Variants in TBCK observed in about 807,000 individuals in gnomAD.
TBCK encodes TBC domain-containing protein kinase-like protein.
A neutral mutation model predicts 113.4 loss-of-function variants in TBCK; 99 were observed. That is an observed-to-expected ratio of 0.87 (90% CI 0.74 to 1.03). The LOEUF (loss-of-function observed/expected upper bound fraction) is 1.03. TBCK is among the 50% of genes least tolerant of loss of function. TBCK has a pLI of 0.00. For synonymous variants in TBCK, 369 were observed against 370.8 expected, an observed-to-expected ratio of 1.00 and a Z score of 0.05; for missense variants, 1,045 against 1,061.3, an observed-to-expected ratio of 0.98 and a Z score of 0.21.
intron 5 of TBCK, among the ~76,000 whole-genome samples, chr4:106,253,809 A>G (rs576073698): frequency 5.3e-4 from 80 of 152,202 alleles, no homozygotes; most frequent in African/African-American, 1.7e-3. Flanking sequence ...CCCCAAGACC[A>G]CTCTCATGTT....
At chr4:106,145,983 G>A (rs899593736) in intron 23 of TBCK, among the ~76,000 whole-genome samples, 4 of 152,132 alleles carry the variant, frequency 2.6e-5, no homozygotes, top group Non-Finnish European at 4.4e-5. Context: ...GAAAGCAGTA[G>A]GGTGATTCCT....
intron 1 of TBCK, 87 bp from the exon 2 acceptor site, chr4:106,309,076 A>C (rs1767872380): frequency 1.2e-6 from 1 of 846,046 alleles, no homozygotes; most frequent in East Asian, 2.7e-5. Context: ...ACTTGGAGGA[A>C]AATGCCAACC....
chr4:106,054,321 CAGTATA>C (rs1168720623), intron 25 of TBCK, among the ~76,000 whole-genome samples: 1 of 151,642 alleles, frequency 6.6e-6, no homozygotes, highest in Admixed American at 6.6e-5. Context: ...TATCCTTGCC[CAGTATA>C]ATCTTTCTCT....
intron 2 of TBCK, among the ~76,000 whole-genome samples, chr4:106,307,161 T>C (rs1244861868): frequency 1.3e-5 from 2 of 152,206 alleles, no homozygotes; most frequent in African/African-American, 4.8e-5. Flanking sequence ...TACAGCAACA[T>C]GTACAATCTT....
intron 19 of TBCK, among the ~76,000 whole-genome samples, chr4:106,220,408 C>G (rs546531988): frequency 6.6e-6 from 1 of 151,660 alleles, no homozygotes; most frequent in Non-Finnish European, 1.5e-5. Context: ...TTAAACCTCT[C>G]TTTTTTTTTC....
intron 3 of TBCK, among the ~76,000 whole-genome samples, chr4:106,288,674 T>C (rs891018713): frequency 2.0e-5 from 3 of 152,208 alleles, no homozygotes; most frequent in African/African-American, 7.2e-5. Flanking sequence ...CAGCGTAATA[T>C]TTATAAGGTT....
chr4:106,131,785 A>G (rs1246535932), intron 23 of TBCK, among the ~76,000 whole-genome samples: 1 of 152,198 alleles, frequency 6.6e-6, no homozygotes, highest in Non-Finnish European at 1.5e-5. Flanking sequence ...GGAACTTCCT[A>G]GAGACTTATG....
At chr4:106,232,061 T>C (rs957644435) in intron 17 of TBCK, among the ~76,000 whole-genome samples, 1 of 151,854 alleles carries the variant, frequency 6.6e-6, no homozygotes, top group Non-Finnish European at 1.5e-5. Flanking sequence ...ATGCTTTGGA[T>C]ATTGTCCCAT....
intron 25 of TBCK, among the ~76,000 whole-genome samples, chr4:106,057,088 C>T (rs1217220104): frequency 2.6e-5 from 4 of 151,716 alleles, no homozygotes; most frequent in Non-Finnish European, 4.4e-5. Context: ...ATTATTTCCC[C>T]AGTCTCATTT....
At chr4:106,188,304 T>C (rs1014595088) in intron 22 of TBCK, among the ~76,000 whole-genome samples, 4 of 152,196 alleles carry the variant, frequency 2.6e-5, no homozygotes, top group African/African-American at 4.8e-5. Context: ...CAGCAGTATA[T>C]GTAGGGATAT....
rs1025571526 is a variant in TBCK, at chr4:106,137,899, G to A, written c.2236-21521C>T. Reference sequence around the variant, plus strand: ...GAGAGTAATTTTTTCTTTGCTATACGGTATCATTCTGGAGACATTTTATCT... The same window carrying A: ...GAGAGTAATTTTTTCTTTGCTATACAGTATCATTCTGGAGACATTTTATCT... On this transcript the variant is annotated intron_variant, in intron 23 of 25. Transcript: ENST00000394708. Among the ~76,000 whole-genome samples, 3 of 140,236 alleles carry A rather than the reference G, an allele frequency of 2.1e-5. 1 individual carries two copies. Among genetic ancestry groups the A allele is most frequent in the African/African-American group, 7.6e-5 (3 of 39,696 alleles). 92.0% of individuals were successfully genotyped at this position (140,236 alleles called of 152,430 possible). A position where few individuals can be genotyped will look rare whatever the true frequency, so the allele number is the denominator to read the frequency against.
At position 106,072,194 on chromosome 4, in the gene TBCK, T is replaced by C. The variant is rs150797962; in HGVS notation, c.2571+23288A>G. 4.1e-3 allele frequency among the ~76,000 whole-genome samples: 626 copies of C among 152,340 alleles called. 1 individual carries two copies. Among genetic ancestry groups the C allele is most frequent in the Non-Finnish European group, 7.1e-3 (483 of 68,034 alleles). On this transcript the variant is annotated intron_variant, in intron 25 of 25. Transcript: ENST00000394708. ...TGATGCAGTTTCTTCCTAGCATCGA[T>C]AGTCTTTACAATTTGGCATGTTTTT...
At chr4:106,270,156 T>C (rs1763346303) in intron 3 of TBCK, among the ~76,000 whole-genome samples, 1 of 152,188 alleles carries the variant, frequency 6.6e-6, no homozygotes, top group Non-Finnish European at 1.5e-5. Context: ...ATATATTTTG[T>C]TATATCATAT....
At chr4:106,176,554 T>C (rs1276604367) in intron 22 of TBCK, among the ~76,000 whole-genome samples, 1 of 152,090 alleles carries the variant, frequency 6.6e-6, no homozygotes, top group Non-Finnish European at 1.5e-5. Context: ...TGTGTTTTTA[T>C]GTACGTTTTC....
intron 20 of TBCK, among the ~76,000 whole-genome samples, chr4:106,204,230 G>GA (rs1264899483): frequency 6.6e-6 from 1 of 152,042 alleles, no homozygotes; most frequent in South Asian, 2.1e-4. Flanking sequence ...GGGTTGCAGG[G>GA]AAAAAACTAA....
chr4:106,079,960 C>T (rs966615324), intron 25 of TBCK, among the ~76,000 whole-genome samples: 1 of 152,106 alleles, frequency 6.6e-6, no homozygotes, highest in Non-Finnish European at 1.5e-5. Context: ...CTCACTATCA[C>T]AAGAATAACA....
chr4:106,207,807 T>C (rs77543684), intron 20 of TBCK, among the ~76,000 whole-genome samples: 1 of 152,212 alleles, frequency 6.6e-6, no homozygotes, highest in Non-Finnish European at 1.5e-5. Context: ...GCTTTCTTTG[T>C]TGAATAACTT....
chr4:106,106,917 T>C (rs1337514428), intron 24 of TBCK, among the ~76,000 whole-genome samples: 3 of 151,824 alleles, frequency 2.0e-5, no homozygotes, highest in African/African-American at 7.3e-5. Flanking sequence ...GACACACTTA[T>C]AAGCTCAAAA....
intron 23 of TBCK, among the ~76,000 whole-genome samples, chr4:106,150,790 G>T (rs1045595289): frequency 2.6e-5 from 4 of 152,028 alleles, no homozygotes; most frequent in African/African-American, 4.8e-5. Context: ...CATAGTTGAT[G>T]AATAAGGAAC....
Sources: gnomAD v4.1 joint callset for allele counts (sites outside exome capture counted in the v4.1 genomes callset) on GRCh38, gnomAD v4.1.1 for gene constraint, MANE v1.5 for transcripts, NCBI Gene and HGNC (gene_info 2026-07-23, HGNC 2026-07-21) for gene names.